DYM: variants seen among roughly 807,000 people sequenced by gnomAD.
DYM encodes dymeclin.
In DYM, 78 loss-of-function variants were observed where a neutral mutation model predicts 93.1. The ratio of observed to expected loss-of-function variants is 0.84; its 90% CI spans 0.70 to 1.01. The LOEUF is 1.01. Ranked by LOEUF, DYM falls within the 50% of genes least tolerant of loss-of-function variation. DYM has a pLI of 0.00. For synonymous variants in DYM, 321 were observed against 319.7 expected, an observed-to-expected ratio of 1.00 and a Z score of -0.04; for missense variants, 789 against 845.0, an observed-to-expected ratio of 0.93 and a Z score of 0.82.
intron 6 of DYM, among the ~76,000 whole-genome samples, chr18:49,359,232 G>T (rs1403268228): frequency 6.6e-6 from 1 of 152,120 alleles, no homozygotes; most frequent in Admixed American, 6.6e-5. Flanking sequence ...GCAAGGATTT[G>T]CTTTTGGCCG....
intron 2 of DYM, among the ~76,000 whole-genome samples, chr18:49,420,336 T>C (rs890739911): frequency 3.3e-5 from 5 of 151,638 alleles, no homozygotes. Flanking sequence ...CCTGGCTAAT[T>C]TTTTGTATTT....
chr18:49,311,866 A>C (rs55858752), intron 8 of DYM, among the ~76,000 whole-genome samples: 13,255 of 151,810 alleles, frequency 0.087, 708 homozygotes, highest in East Asian at 0.18. Context: ...CCTAGAACTT[A>C]AAGTATAATA....
intron 9 of DYM, among the ~76,000 whole-genome samples, chr18:49,286,085 T>C (rs1251974855): frequency 6.6e-6 from 1 of 152,186 alleles, no homozygotes; most frequent in African/African-American, 2.4e-5. Flanking sequence ...TTTAGTTCTA[T>C]AAAACTCTAG....
At chr18:49,333,127 TAA>T (rs1281262806) in intron 7 of DYM, among the ~76,000 whole-genome samples, 10 of 152,244 alleles carry the variant, frequency 6.6e-5, no homozygotes, top group Non-Finnish European at 1.5e-4. Context: ...TTTACATTTT[TAA>T]AGTTTTGTGA....
chr18:49,082,858 C>T (rs141844045), intron 17 of DYM, among the ~76,000 whole-genome samples: 1 of 152,304 alleles, frequency 6.6e-6, no homozygotes, highest in East Asian at 1.9e-4. Flanking sequence ...GACATTCTTG[C>T]TTTGTCCCTG....
At position 49,097,468 on chromosome 18, in the gene DYM, C is replaced by A. The variant is rs2079652369; in HGVS notation, c.1959G>T (p.Leu653=). 6.2e-7 allele frequency: 1 copy of A among 1,613,946 alleles called. No individual in the cohort carries two copies. The highest frequency in any genetic ancestry group is 1.3e-5 in the African/African-American group (1 of 74,922). ...SSRLLQAGAE[L]SVERVLEIIK... ...TGATTTCCAGGACCCGTTCCACTGA[C>A]AGCTCAGCTCCAGCTTGCAGCAACC... The change falls in exon 17 of 18, where the codon CTG becomes CTT. Residue 653 remains leucine, a synonymous_variant. Coordinates refer to ENST00000675505, the MANE Select transcript of DYM (RefSeq NM_001353214.3).
chr18:49,045,001 A>G (rs945176459), intron 17 of DYM, among the ~76,000 whole-genome samples: 5 of 152,216 alleles, frequency 3.3e-5, no homozygotes. Context: ...TTCCTGGCCT[A>G]TTTATTCCAG....
At chr18:49,280,191 T>C (rs986356811) in intron 10 of DYM, among the ~76,000 whole-genome samples, 1 of 152,212 alleles carries the variant, frequency 6.6e-6, no homozygotes, top group African/African-American at 2.4e-5. Context: ...TGTTTGCACA[T>C]TAGTCATAAA....
At chr18:49,387,993 T>C (rs1191749485) in intron 3 of DYM, among the ~76,000 whole-genome samples, 1 of 152,230 alleles carries the variant, frequency 6.6e-6, no homozygotes, top group Admixed American at 6.5e-5. Context: ...AATTAAAAGC[T>C]TGTTTTAAAA....
intron 1 of DYM, among the ~76,000 whole-genome samples, chr18:49,451,944 C>G (rs1482169020): frequency 6.6e-6 from 1 of 152,216 alleles, no homozygotes; most frequent in Non-Finnish European, 1.5e-5. Context: ...ACACAAAAAT[C>G]TGGATACCTT....
At chr18:49,147,500 G>GAA (rs1410487276) in intron 15 of DYM, among the ~76,000 whole-genome samples, 2 of 151,978 alleles carry the variant, frequency 1.3e-5, no homozygotes, top group Non-Finnish European at 2.9e-5. Flanking sequence ...AAATTTACAA[G>GAA]AAAAAAACAT....
chr18:49,106,307 G>T (rs558149682), intron 16 of DYM, among the ~76,000 whole-genome samples: 1 of 152,102 alleles, frequency 6.6e-6, no homozygotes, highest in African/African-American at 2.4e-5. Flanking sequence ...GTCTCTGCAT[G>T]TGAGATGGGT....
At chr18:49,048,390 T>G (rs1268859939) in intron 17 of DYM, 1 of 152,216 alleles carries the variant, frequency 6.6e-6, no homozygotes, top group African/African-American at 2.4e-5. Flanking sequence ...ATTGGAATAA[T>G]AACATCTTAC....
At chr18:49,365,725 C>G (rs1450379161) in intron 5 of DYM, among the ~76,000 whole-genome samples, 1 of 152,186 alleles carries the variant, frequency 6.6e-6, no homozygotes. Context: ...TTCAGCCAAG[C>G]AGCCAGCACA....
At chr18:49,378,799 C>A in intron 4 of DYM, 99 bp from the exon 5 acceptor site, 1 of 1,249,840 alleles carries the variant, frequency 8.0e-7, no homozygotes, top group South Asian at 1.3e-5. Context: ...ACCGTTTTGT[C>A]CATCCTATTG....
chr18:49,377,600 T>C (rs368994097), intron 5 of DYM, among the ~76,000 whole-genome samples: 2 of 152,090 alleles, frequency 1.3e-5, no homozygotes, highest in East Asian at 1.9e-4. Context: ...AATTCTATAA[T>C]AGAATTTAAG....
chr18:49,221,491 GA>G (rs2093355920), intron 13 of DYM, among the ~76,000 whole-genome samples: 1 of 152,112 alleles, frequency 6.6e-6, no homozygotes, highest in South Asian at 2.1e-4. Context: ...CAATAGCAAA[GA>G]CTTGGAACCA....
chr18:49,208,705 T>C (rs2092641722), intron 14 of DYM: 1 of 152,226 alleles, frequency 6.6e-6, no homozygotes, highest in Non-Finnish European at 1.5e-5. Context: ...GTTAAGGTTG[T>C]CATGGAGTTT....
At chr18:49,093,662 G>A (rs920568693) in intron 17 of DYM, among the ~76,000 whole-genome samples, 1 of 152,196 alleles carries the variant, frequency 6.6e-6, no homozygotes, top group African/African-American at 2.4e-5. Flanking sequence ...CACGAGGAGT[G>A]TGGATGTGTG....
Sources: allele counts gnomAD v4.1 joint callset (sites outside exome capture counted in the v4.1 genomes callset), GRCh38; gene constraint gnomAD v4.1.1; transcripts MANE v1.5; gene names NCBI Gene and HGNC (gene_info 2026-07-23, HGNC 2026-07-21).